The following KCTD16 variants were observed in gnomAD, a reference collection of about 807,000 sequenced individuals.
KCTD16 encodes potassium channel tetramerization domain containing 16.
In KCTD16, 13 loss-of-function variants were observed where a neutral mutation model predicts 33.2. The observed-to-expected ratio is 0.39, with a 90% CI of 0.25 to 0.62. The LOEUF (loss-of-function observed/expected upper bound fraction) is 0.62. Ranked by LOEUF, KCTD16 falls within the 20% of genes least tolerant of loss-of-function variation. The pLI is 0.50. For missense variants in KCTD16, 441 were observed against 525.1 expected (o/e 0.84, Z 1.57); for synonymous variants, 197 against 195.3 (o/e 1.01, Z -0.07).
intron 3 of KCTD16, among the ~76,000 whole-genome samples, chr5:144,318,322 G>A (rs1312362318): frequency 6.6e-6 from 1 of 152,138 alleles, no homozygotes; most frequent in Admixed American, 6.5e-5. Flanking sequence ...GATCTACCTT[G>A]ATGTGCAAGG....
chr5:144,426,877 C>CT (rs1337383163), intron 3 of KCTD16, among the ~76,000 whole-genome samples: 3 of 152,140 alleles, frequency 2.0e-5, no homozygotes, highest in Non-Finnish European at 4.4e-5. Flanking sequence ...TTAATCACCT[C>CT]TTACATTTCC....
At chr5:144,395,021 C>G (rs2126941415) in intron 3 of KCTD16, among the ~76,000 whole-genome samples, 1 of 152,318 alleles carries the variant, frequency 6.6e-6, no homozygotes, top group South Asian at 2.1e-4. Context: ...TCAGAAGCAG[C>G]AATATCACCT....
chr5:144,386,054 T>G (rs1752316961), intron 3 of KCTD16, among the ~76,000 whole-genome samples: 1 of 152,200 alleles, frequency 6.6e-6, no homozygotes, highest in Non-Finnish European at 1.5e-5. Flanking sequence ...CACTCAGAGA[T>G]ATTATTTCCA....
chr5:144,216,917 G>A (rs754102125), intron 3 of KCTD16, among the ~76,000 whole-genome samples: 1 of 151,928 alleles, frequency 6.6e-6, no homozygotes, highest in Non-Finnish European at 1.5e-5. Context: ...ATTGTGGACT[G>A]TCCAGGTCAA....
At chr5:144,398,017 T>C (rs533352921) in intron 3 of KCTD16, among the ~76,000 whole-genome samples, 2 of 152,324 alleles carry the variant, frequency 1.3e-5, no homozygotes, top group East Asian at 3.9e-4. Context: ...CAGCTGTTTG[T>C]GTCCCCATGT....
At chr5:144,322,536 C>G (rs562837532) in intron 3 of KCTD16, among the ~76,000 whole-genome samples, 49 of 151,100 alleles carry the variant, frequency 3.2e-4, no homozygotes, top group Non-Finnish European at 6.2e-4. Context: ...AAAAACAAAA[C>G]AGGGCTAAGA....
intron 3 of KCTD16, among the ~76,000 whole-genome samples, chr5:144,297,559 C>G (rs1416968439): frequency 6.6e-6 from 1 of 152,146 alleles, no homozygotes; most frequent in African/African-American, 2.4e-5. Flanking sequence ...AAAACACTTT[C>G]AAGATATTCC....
intron 3 of KCTD16, among the ~76,000 whole-genome samples, chr5:144,353,582 CATATT>C (rs1751495669): frequency 6.6e-6 from 1 of 152,184 alleles, no homozygotes; most frequent in African/African-American, 2.4e-5. Context: ...CAGTTCCTCA[CATATT>C]ATAAGCACTC....
intron 3 of KCTD16, among the ~76,000 whole-genome samples, chr5:144,359,784 A>AT (rs1561579704): frequency 6.6e-6 from 1 of 151,814 alleles, no homozygotes; most frequent in African/African-American, 2.4e-5. Context: ...AGCTAAAAAA[A>AT]CCCTGATATA....
intron 3 of KCTD16, among the ~76,000 whole-genome samples, chr5:144,454,786 T>G (rs1000118362): frequency 6.6e-6 from 1 of 152,204 alleles, no homozygotes; most frequent in Non-Finnish European, 1.5e-5. Context: ...GTATGATGAC[T>G]ATTTTGGAGA....
At chr5:144,275,859 T>C (rs1755424082) in intron 3 of KCTD16, among the ~76,000 whole-genome samples, 1 of 152,278 alleles carries the variant, frequency 6.6e-6, no homozygotes, top group Admixed American at 6.5e-5. Flanking sequence ...TTCTAATCCC[T>C]AAAACGTGGC....
At chr5:144,329,999 T>C (rs903846457) in intron 3 of KCTD16, among the ~76,000 whole-genome samples, 1 of 152,174 alleles carries the variant, frequency 6.6e-6, no homozygotes, top group Non-Finnish European at 1.5e-5. Flanking sequence ...CAATTCTAAA[T>C]TCACCAAGTC....
At chr5:144,302,376 T>G (rs1387941761) in intron 3 of KCTD16, among the ~76,000 whole-genome samples, 1 of 152,244 alleles carries the variant, frequency 6.6e-6, no homozygotes, top group Non-Finnish European at 1.5e-5. Flanking sequence ...GTAATAAATA[T>G]TTTTGAATGA....
chr5:144,176,653 C>T (rs1167358167), intron 2 of KCTD16, among the ~76,000 whole-genome samples: 2 of 151,922 alleles, frequency 1.3e-5, no homozygotes, highest in African/African-American at 2.4e-5. Flanking sequence ...CCACTCGCCT[C>T]GGCCTCCCAA....
intron 2 of KCTD16, among the ~76,000 whole-genome samples, chr5:144,187,677 T>C (rs1293644076): frequency 6.6e-6 from 1 of 152,242 alleles, no homozygotes; most frequent in Non-Finnish European, 1.5e-5. Flanking sequence ...ATTTATTCTT[T>C]AGCAGTTGAT....
intron 3 of KCTD16, among the ~76,000 whole-genome samples, chr5:144,466,481 A>G (rs1459821618): frequency 6.6e-6 from 1 of 152,062 alleles, no homozygotes; most frequent in Non-Finnish European, 1.5e-5. Context: ...GAAAGCCTGG[A>G]TTTTTAAGTT....
intron 3 of KCTD16, among the ~76,000 whole-genome samples, chr5:144,279,453 A>G (rs1248606987): frequency 6.6e-6 from 1 of 152,224 alleles, no homozygotes; most frequent in East Asian, 1.9e-4. Context: ...GAGATCCTTA[A>G]CCAGGTTAAG....
intron 2 of KCTD16, among the ~76,000 whole-genome samples, chr5:144,177,765 A>G (rs543733355): frequency 6.6e-6 from 1 of 152,322 alleles, no homozygotes; most frequent in African/African-American, 2.4e-5. Context: ...ATAAGGTCAC[A>G]TTCTGATGTC....
At chr5:144,351,541 A>G (rs973565229) in intron 3 of KCTD16, among the ~76,000 whole-genome samples, 4 of 152,116 alleles carry the variant, frequency 2.6e-5, no homozygotes, top group Non-Finnish European at 5.9e-5. Flanking sequence ...CAACAATCTC[A>G]CTTCTGCTTA....
Sources: gnomAD v4.1 joint callset for allele counts (sites outside exome capture counted in the v4.1 genomes callset) on GRCh38, gnomAD v4.1.1 for gene constraint, MANE v1.5 for transcripts, NCBI Gene and HGNC (gene_info 2026-07-23, HGNC 2026-07-21) for gene names.